Variants in NEURL4 observed in about 807,000 individuals in gnomAD.
The protein encoded by NEURL4 is neuralized E3 ubiquitin protein ligase 4, also known as neuralized-like protein 4.
NEURL4 carries 45 observed loss-of-function variants against 148.0 expected under a neutral mutation model. The ratio of observed to expected loss-of-function variants is 0.30; its 90% CI spans 0.24 to 0.39. The LOEUF (loss-of-function observed/expected upper bound fraction) is 0.39. Ranked by LOEUF, NEURL4 falls within the 10% of genes least tolerant of loss-of-function variation. The pLI is 1.00. For missense variants in NEURL4, 1,776 were observed against 2,144.0 expected (o/e 0.83, Z 3.39); for synonymous variants, 854 against 869.0 (o/e 0.98, Z 0.30).
In NEURL4 at chr17:7,321,025, G is replaced by A. The variant is rs973740836; in HGVS notation, c.3360+87C>T. On this transcript the variant is annotated intron_variant, in intron 20 of 28. Transcript: ENST00000399464. The surrounding 1 kb of genome is among the most constrained non-coding windows in gnomAD (Gnocchi z 6.3). ...TCCTGAGTGTGAGCCTCCACCCAAC[G>A]ATCAGAGAACCCAGAAAAGGCCTGG... The A allele has an allele frequency of 1.8e-5, 29 of 1,590,244 alleles. No individual in the cohort carries two copies. The highest frequency in any genetic ancestry group is 3.7e-4 in the Middle Eastern group (2 of 5,392).
chr17:7,321,335 G>T lies in NEURL4; in HGVS notation c.3198+26C>A. 1 of 1,613,838 alleles carries T rather than the reference G, an allele frequency of 6.2e-7. No individual in the cohort carries two copies. Among genetic ancestry groups the T allele is most frequent in the Non-Finnish European group, 8.5e-7 (1 of 1,179,894 alleles). On this transcript the variant is annotated intron_variant, in intron 19 of 28. Transcript: ENST00000399464. This position sits in a 1 kb window ranked among gnomAD's most constrained non-coding sequence, Gnocchi z 6.3. ...GCAGAAGACCTCAACCATCCTCCCA[G>T]AACCCAAGGAAGCGTTCAGGTCTAC... is the stretch of plus-strand genomic sequence containing the variant.
chr17:7,319,898 C>T (rs1279936516), intron 21 of NEURL4, among the ~76,000 whole-genome samples: 18 of 151,686 alleles, frequency 1.2e-4, no homozygotes, highest in East Asian at 2.0e-4. Context: ...GGTGCGATCT[C>T]GGCTCACTGC....
At position 7,323,545 on chromosome 17, in the gene NEURL4, G is replaced by A; in HGVS notation, c.2357C>T (p.Pro786Leu). The A allele has an allele frequency of 6.2e-7, 1 of 1,614,210 alleles. No homozygotes were observed. The highest frequency in any genetic ancestry group is 8.5e-7 in the Non-Finnish European group (1 of 1,180,040). The stretch of plus-strand genomic sequence containing the variant: ...GGTGTTGGGGAATTCCAGGTCTTCA[G>A]GCCGAATAGCAGTCACTCCTGGGAG... ...SIEAGVTAIR[P>L]EDLEFPNTMT... is the part of the protein sequence containing the mutation. Residue 786 changes from proline (P) to leucine (L), a missense_variant, in exon 14 of 29, where the codon CCT becomes CTT. Pro to Leu is a moderately conservative substitution (Grantham distance 98). Coordinates refer to ENST00000399464, the MANE Select transcript of NEURL4 (RefSeq NM_032442.3).
intron 28 of NEURL4, 74 bp from the exon 29 acceptor site, chr17:7,316,401 C>A (rs931385715): frequency 8.2e-7 from 1 of 1,225,214 alleles, no homozygotes; most frequent in Admixed American, 1.9e-5. Flanking sequence ...CTGTTCCAAC[C>A]ACACAAGCCT....
rs2073076247 is a variant in NEURL4, at chr17:7,324,537, GCCACAGCAGCGC to G, written c.1814-69_1814-58del. 1.3e-6 allele frequency: 2 copies of G among 1,492,848 alleles called. No homozygotes were observed. The highest frequency in any genetic ancestry group is 1.9e-6 in the Non-Finnish European group (2 of 1,071,134). 92.5% of individuals were successfully genotyped at this position (1,492,848 alleles called of 1,614,324 possible). A position where few individuals can be genotyped will look rare whatever the true frequency, so the allele number is the denominator to read the frequency against. On this transcript the variant is annotated intron_variant, in intron 9 of 28. Coordinates refer to ENST00000399464, the MANE Select transcript of NEURL4 (RefSeq NM_032442.3). The surrounding 1 kb of genome is among the most constrained non-coding windows in gnomAD (Gnocchi z 5.9). ...GGGGAAATGCAGGGCTCCTCTCCTT[GCCACAGCAGCGC>G]CCACAGGACTCCCGAGCCCACAGTC...
Position 7,329,211 on chromosome 17 carries a change from G to A in NEURL4, c.102C>T (p.Ser34=). 3 of 1,559,884 alleles carry A rather than the reference G, an allele frequency of 1.9e-6. No homozygotes were observed. The highest frequency in any genetic ancestry group is 2.6e-6 in the Non-Finnish European group (3 of 1,158,688). Residue 34 remains serine (S), a synonymous_variant, in exon 1 of 29, where the codon TCC becomes TCT. Coordinates refer to ENST00000399464, the MANE Select transcript of NEURL4 (RefSeq NM_032442.3). The stretch of plus-strand genomic sequence containing the variant: ...CCCCGCCGCTGCCCAGACCCCCGTT[G>A]GACCCCGGTCCTGAGCCGCTCCCGC... ...GPSGSGSGPG[S]NGGLGSGGEL...
intron 1 of NEURL4, among the ~76,000 whole-genome samples, chr17:7,328,678 C>T (rs914866226): frequency 6.6e-6 from 1 of 152,214 alleles, no homozygotes; most frequent in Non-Finnish European, 1.5e-5. Flanking sequence ...GCTGGGATTA[C>T]GTTTGTTCGT....
At position 7,321,519 on chromosome 17, in the gene NEURL4, A is replaced by C. The variant is rs761639104; in HGVS notation, c.3099+41T>G. The C allele has an allele frequency of 2.1e-5, 34 of 1,609,870 alleles. No individual in the cohort carries two copies. In the Admixed American group the frequency reaches 3.5e-4, roughly 17 times the overall value. On this transcript the variant is annotated intron_variant, in intron 18 of 28. Transcript: ENST00000399464. The surrounding 1 kb of genome is among the most constrained non-coding windows in gnomAD (Gnocchi z 6.3). ...CAGCCCACCTCTCCCTGCCACCTCC[A>C]CTCCCAACCCCTCCCCTGTCCCTGG...
At position 7,315,746 on chromosome 17, in the gene NEURL4, A is replaced by C; in HGVS notation, c.*377T>G. 2.2e-6 allele frequency: 1 copy of C among 456,732 alleles called. No individual in the cohort carries two copies. Among genetic ancestry groups the C allele is most frequent in the Non-Finnish European group, 3.9e-6 (1 of 258,896 alleles). 28.3% of individuals were successfully genotyped at this position (456,732 alleles called of 1,614,324 possible). A position where few individuals can be genotyped will look rare whatever the true frequency, so the allele number is the denominator to read the frequency against. ...ACTCCCGCCCGGTGGCCCCGGAAAA[A>C]GCAGCTTCATGTGGGCACAGGGAGA... On this transcript the variant is annotated 3_prime_UTR_variant, in exon 29 of 29. Transcript: ENST00000399464.
At position 7,322,790 on chromosome 17, in the gene NEURL4, G is replaced by A; in HGVS notation, c.2670C>T (p.Asn890=). The A allele has an allele frequency of 6.2e-7, 1 of 1,614,032 alleles. No homozygotes were observed. Among genetic ancestry groups the A allele is most frequent in the Non-Finnish European group, 8.5e-7 (1 of 1,180,002 alleles). ...TGGCAGTGTTGCTGGTCGCCAGGCT[G>A]TTGTCCATGGGGCCGGTGGCATTGG... ...SITNATGPMD[N]SLATSNTATE... The change falls in exon 16 of 29, where the codon AAC becomes AAT. Residue 890 remains asparagine (N), a synonymous_variant. Coordinates refer to ENST00000399464, the MANE Select transcript of NEURL4 (RefSeq NM_032442.3). The surrounding 1 kb of genome is among the most constrained non-coding windows in gnomAD (Gnocchi z 5.5).
Position 7,318,951 on chromosome 17 carries a change from T to A in NEURL4, c.3684+99A>T. 3 of 1,355,838 alleles carry A rather than the reference T, an allele frequency of 2.2e-6. No homozygotes were observed. Among genetic ancestry groups the A allele is most frequent in the Non-Finnish European group, 3.0e-6 (3 of 992,412 alleles). The allele number at this position is 1,355,838 out of a possible 1,614,324, so 84.0% of individuals were successfully genotyped here. Reference sequence around the variant, plus strand: ...CATTACTGTTCCCCTTTTACACCTGTGGTCCTACCTCCAAGGCTAGGGGCC... The same window carrying A: ...CATTACTGTTCCCCTTTTACACCTGAGGTCCTACCTCCAAGGCTAGGGGCC... On this transcript the variant is annotated intron_variant, in intron 22 of 28. Transcript: ENST00000399464. This position sits in a 1 kb window ranked among gnomAD's most constrained non-coding sequence, Gnocchi z 4.3.
chr17:7,329,064 A>G lies in NEURL4; in HGVS notation c.249T>C (p.Asp83=), dbSNP rs1179650009. 4 of 1,596,590 alleles carry G rather than the reference A, an allele frequency of 2.5e-6. No individual in the cohort carries two copies. The highest frequency in any genetic ancestry group is 3.4e-6 in the Non-Finnish European group (4 of 1,171,316). Residue 83 remains aspartate (D), a synonymous_variant, in exon 1 of 29, where the codon GAT becomes GAC. Transcript: ENST00000399464. The stretch of plus-strand genomic sequence containing the variant: ...CGATGCGGACGGTGAAGACGCGTCC[A>G]TCGCGCAAGGGTTCTCGGCTCAACA... ...GLVLSREPLR[D]GRVFTVRIDR...
Position 7,323,631 on chromosome 17 carries a change from C to T in NEURL4, c.2338+16G>A. 1.9e-6 allele frequency: 3 copies of T among 1,613,676 alleles called. No homozygotes were observed. The highest frequency in any genetic ancestry group is 1.3e-5 in the African/African-American group (1 of 75,062). On this transcript the variant is annotated intron_variant, in intron 13 of 28. Coordinates refer to ENST00000399464, the MANE Select transcript of NEURL4 (RefSeq NM_032442.3). ...CAGACATCCAACAGCCCCCAACACA[C>T]ACAGACGGCCCTCACCAGCCTCAAT...
rs752768293 is a variant in NEURL4 at position 7,325,363 on chromosome 17, G to A, written c.1477C>T (p.Arg493Ter). Residue 493 changes from arginine to a stop codon, truncating the protein, a stop_gained, in exon 8 of 29, where the codon CGA (arginine) becomes TGA (stop). Transcript: ENST00000399464. LOFTEE classifies it high-confidence loss of function. ...HNNNHSDRLR[R>*]NNAILRALSP... ...AGCGCCCGCAGGATGGCGTTGTTTC[G>A]GCGGAGACGGTCACTGTGGTTGTTA... 3 of 1,613,386 alleles carry A rather than the reference G, an allele frequency of 1.9e-6. No individual in the cohort carries two copies. Among genetic ancestry groups the A allele is most frequent in the Non-Finnish European group, 2.5e-6 (3 of 1,179,976 alleles).
Position 7,320,922 on chromosome 17 carries a change from C to T in NEURL4, c.3362G>A (p.Gly1121Asp). Residue 1121 changes from glycine (G) to aspartate (D), a missense_variant and splice_region_variant, in exon 21 of 29, where the codon GGC (glycine) becomes GAC (aspartate). By Grantham distance (94) the Gly-to-Asp change is moderately conservative. Coordinates refer to ENST00000399464, the MANE Select transcript of NEURL4 (RefSeq NM_032442.3). ...GGGTATAATACCCACTTCATTCTGG[C>T]CCTGGTGTGGAGGAAGGGACTGAGC... ...DDEGEEHGLG[G>D]QNEVGIIPTT... The T allele has an allele frequency of 6.2e-7, 1 of 1,613,910 alleles. No individual in the cohort carries two copies. Among genetic ancestry groups the T allele is most frequent in the Non-Finnish European group, 8.5e-7 (1 of 1,179,942 alleles).
At position 7,326,830 on chromosome 17, in the gene NEURL4, C is replaced by T. The variant is rs1164561527; in HGVS notation, c.973G>A (p.Gly325Arg). The T allele has an allele frequency of 4.3e-6, 7 of 1,613,806 alleles. No homozygotes were observed. Among genetic ancestry groups the T allele is most frequent in the South Asian group, 1.1e-5 (1 of 91,036 alleles). ...NDALLFHEKC[G>R]TLIKLSNNNK... ...TTGTTGCTGAGTTTGATGAGGGTCCCGCACTTTTCATGAAAGAGCAGGGCA... is the reference window on the plus strand; with the variant it reads ...TTGTTGCTGAGTTTGATGAGGGTCCTGCACTTTTCATGAAAGAGCAGGGCA... Residue 325 changes from glycine to arginine, a missense_variant, in exon 4 of 29, where the codon GGG becomes AGG. Physicochemically the swap from Gly to Arg is moderately radical, Grantham distance 125 (BLOSUM62 -2). Transcript: ENST00000399464. This position sits in a 1 kb window ranked among gnomAD's most constrained non-coding sequence, Gnocchi z 6.0.
chr17:7,321,247 G>A lies in NEURL4; in HGVS notation c.3225C>T (p.Tyr1075=), dbSNP rs371152898. The change falls in exon 20 of 29, where the codon TAC becomes TAT. Residue 1075 remains tyrosine, a synonymous_variant. Transcript: ENST00000399464. This position sits in a 1 kb window ranked among gnomAD's most constrained non-coding sequence, Gnocchi z 6.3. ...CAATTGACACACCGCGGACTGGCCC[G>A]TAGAGATCCAACACAGCCCACACGT... ...AKNVWAVLDL[Y]GPVRGVSIVS... 3.9e-5 allele frequency: 63 copies of A among 1,613,896 alleles called. No individual in the cohort carries two copies. Among genetic ancestry groups the A allele is most frequent in the South Asian group, 1.4e-4 (13 of 91,076 alleles).
At position 7,321,998 on chromosome 17, in the gene NEURL4, G is replaced by C. The variant is rs763197155; in HGVS notation, c.2738C>G (p.Ala913Gly). The C allele has an allele frequency of 6.2e-7, 1 of 1,604,370 alleles. No individual in the cohort carries two copies. The highest frequency in any genetic ancestry group is 8.5e-7 in the Non-Finnish European group (1 of 1,176,452). The change falls in exon 17 of 29, where the codon GCT becomes GGT. Residue 913 changes from alanine to glycine, a missense_variant. Physicochemically the swap from Ala to Gly is moderately conservative, Grantham distance 60. Coordinates refer to ENST00000399464, the MANE Select transcript of NEURL4 (RefSeq NM_032442.3). The surrounding 1 kb of genome is among the most constrained non-coding windows in gnomAD (Gnocchi z 6.3). ...FPLHSPVAGVAHRFHSTCGKN... is the reference protein window; with the variant it reads ...FPLHSPVAGVGHRFHSTCGKN... ...GCCGCAAGTACTGTGGAATCGGTGA[G>C]CCACGCCAGCCACTGTGAAGAGATG... is the stretch of plus-strand genomic sequence containing the variant.
rs1252794425 is a variant in NEURL4, at chr17:7,327,488, G to C, written c.679C>G (p.Pro227Ala). 3 of 1,581,328 alleles carry C rather than the reference G, an allele frequency of 1.9e-6. No individual in the cohort carries two copies. The highest frequency in any genetic ancestry group is 1.7e-5 in the Admixed American group (1 of 58,116). ...TCAGCCAAGGCAGAGTCTTCAGTGGGGGCCAAGGGCTCGAGGGGAGGTGTG... is the reference window on the plus strand; with the variant it reads ...TCAGCCAAGGCAGAGTCTTCAGTGGCGGCCAAGGGCTCGAGGGGAGGTGTG... Reference protein sequence around the residue: ...IPTPPLEPLAPTEDSALAEQG... With the variant: ...IPTPPLEPLAATEDSALAEQG... Residue 227 changes from proline (P) to alanine (A), a missense_variant, in exon 2 of 29, where the codon CCC (proline) becomes GCC (alanine). Coordinates refer to ENST00000399464, the MANE Select transcript of NEURL4 (RefSeq NM_032442.3). This position sits in a 1 kb window ranked among gnomAD's most constrained non-coding sequence, Gnocchi z 6.6.
Sources: gnomAD v4.1 joint callset for allele counts (sites outside exome capture counted in the v4.1 genomes callset) on GRCh38, gnomAD v4.1.1 for gene constraint, Gnocchi (gnomAD v3.1) non-coding constraint, MANE v1.5 for transcripts, NCBI Gene and HGNC (gene_info 2026-07-23, HGNC 2026-07-21) for gene names.